The following FGF13 variants were observed in gnomAD, a reference collection of about 807,000 sequenced individuals.
FGF13 encodes the protein fibroblast growth factor homologous factor 2.
Under a neutral mutation model 19.5 loss-of-function variants are expected in FGF13, and 2 were observed. The ratio of observed to expected loss-of-function variants is 0.10; its 90% CI spans 0.04 to 0.32. The LOEUF is 0.32. Ranked by LOEUF, FGF13 falls within the 10% of genes least tolerant of loss-of-function variation. The pLI is 1.00. For missense variants in FGF13, 113 were observed against 192.7 expected (o/e 0.59, Z 2.45); for synonymous variants, 72 against 76.9 (o/e 0.94, Z 0.33).
chrX:138,996,841 C>T (rs1569438575), intron 1 of FGF13, among the ~76,000 whole-genome samples: 1 of 112,300 alleles, frequency 8.9e-6, no homozygotes, highest in Admixed American at 9.4e-5. Context: ...AACAGACAGA[C>T]TGCCTCCTCA....
chrX:138,885,707 C>G (rs1274170021), intron 1 of FGF13, among the ~76,000 whole-genome samples: 1 of 108,108 alleles, frequency 9.3e-6, no homozygotes, highest in African/African-American at 3.4e-5. Flanking sequence ...CTAACCCCCC[C>G]CGCCAATACT....
At chrX:139,152,176 G>A (rs1038649495) in intron 1 of FGF13, among the ~76,000 whole-genome samples, 4 of 110,083 alleles carry the variant, frequency 3.6e-5, no homozygotes, top group Non-Finnish European at 5.7e-5. Flanking sequence ...GGATCAGATC[G>A]ACAAGAGAAG....
At chrX:138,862,131 A>G (rs1252321124) in intron 2 of FGF13, among the ~76,000 whole-genome samples, 1 of 112,205 alleles carries the variant, frequency 8.9e-6, no homozygotes, top group African/African-American at 3.2e-5. Context: ...TTTTTCCCTT[A>G]TTCAAAGACA....
chrX:138,690,810 A>C (rs1160319423), intron 3 of FGF13, among the ~76,000 whole-genome samples: 1 of 111,493 alleles, frequency 9.0e-6, no homozygotes, highest in East Asian at 2.8e-4. Context: ...TGGGCTAAAA[A>C]TAGCATTGCC....
At position 138,925,152 on chromosome X, in the gene FGF13, T is replaced by A. The variant is rs911132898; in HGVS notation, c.-112-60502A>T. Among the ~76,000 whole-genome samples, 4 of 112,149 alleles carry A rather than the reference T, an allele frequency of 3.6e-5. No individual in the cohort carries two copies. The Admixed American group carries it at 3.8e-4, about 11-fold the overall frequency. ...TGCCAAGAAGTATGCTTCATATACATTGCTCCACTTAATTACACATCTATT... is the reference window on the plus strand; with the variant it reads ...TGCCAAGAAGTATGCTTCATATACAATGCTCCACTTAATTACACATCTATT... On this transcript the variant is annotated intron_variant, in intron 1 of 2. Transcript: ENST00000421460.
intron 1 of FGF13, among the ~76,000 whole-genome samples, chrX:138,904,031 T>C (rs374026410): frequency 1.8e-5 from 2 of 111,960 alleles, no homozygotes; most frequent in East Asian, 2.8e-4. Flanking sequence ...TCTAGCTATA[T>C]ATATATTTTA....
At chrX:138,658,919 C>T (rs1006112282) in intron 3 of FGF13, among the ~76,000 whole-genome samples, 2 of 111,736 alleles carry the variant, frequency 1.8e-5, no homozygotes, top group African/African-American at 6.5e-5. Context: ...CTGACAAATA[C>T]CTCAAATTGA....
intron 1 of FGF13, among the ~76,000 whole-genome samples, chrX:139,160,260 A>C (rs145773023): frequency 0.013 from 1,405 of 112,247 alleles, 19 homozygotes; most frequent in African/African-American, 0.043. Context: ...TAACGAAATG[A>C]AGGCAGAAAT....
At chrX:138,951,690 C>G (rs1245755892) in intron 1 of FGF13, among the ~76,000 whole-genome samples, 2 of 111,361 alleles carry the variant, frequency 1.8e-5, no homozygotes, top group Admixed American at 1.9e-4. Context: ...AATAATACAG[C>G]AACATACCCG....
intron 3 of FGF13, among the ~76,000 whole-genome samples, chrX:138,779,074 G>C (rs2090616083): frequency 8.9e-6 from 1 of 111,977 alleles, no homozygotes; most frequent in Non-Finnish European, 1.9e-5. Context: ...TCACACTGCA[G>C]GGTACTCCAA....
At chrX:138,781,679 CA>C in intron 3 of FGF13, among the ~76,000 whole-genome samples, 1 of 111,535 alleles carries the variant, frequency 9.0e-6, no homozygotes, top group African/African-American at 3.3e-5. Flanking sequence ...GCTTACCAAC[CA>C]AAAAGAGTCC....
chrX:138,923,036 T>C (rs972123793), intron 1 of FGF13, among the ~76,000 whole-genome samples: 2 of 112,660 alleles, frequency 1.8e-5, no homozygotes, highest in African/African-American at 6.5e-5. Flanking sequence ...CTATGAATGC[T>C]AGAGAATAAA....
chrX:139,096,904 A>G (rs900237933), intron 1 of FGF13, among the ~76,000 whole-genome samples: 5 of 112,021 alleles, frequency 4.5e-5, no homozygotes, highest in African/African-American at 1.6e-4. Flanking sequence ...CTAAATATTA[A>G]AGAAACAGAT....
chrX:139,011,387 GA>G lies in FGF13; in HGVS notation c.-112-146738del, dbSNP rs2092128072. Among the ~76,000 whole-genome samples, 6 of 101,486 alleles carry G rather than the reference GA, an allele frequency of 5.9e-5. No individual in the cohort carries two copies. In the East Asian group the frequency reaches 1.9e-3, roughly 32 times the overall value. 88.1% of individuals were successfully genotyped at this position (101,486 alleles called of 115,157 possible). ...AAAAAAAAAAAAAAAAAAAGAAGAA[GA>G]AGAAAACTACAGACCAATATCCCTG... On this transcript the variant is annotated intron_variant, in intron 1 of 2. Coordinates refer to the FGF13 transcript ENST00000421460.
At chrX:138,816,743 C>T (rs1202614333) in intron 3 of FGF13, among the ~76,000 whole-genome samples, 3 of 112,373 alleles carry the variant, frequency 2.7e-5, no homozygotes, top group African/African-American at 9.7e-5. Context: ...TTTCTTAAAA[C>T]ATTATGAGAC....
intron 1 of FGF13, among the ~76,000 whole-genome samples, chrX:139,060,679 TTAGAA>T (rs1461044874): frequency 8.9e-6 from 1 of 111,958 alleles, no homozygotes; most frequent in Non-Finnish European, 1.9e-5. Context: ...TTTTTATTCT[TTAGAA>T]TATGTGTTGG....
rs1279221808 is a variant in FGF13, at chrX:138,711,201, C to T, written c.-198G>A. ...CATGCCGTCCGAGCTCCTCCGGCGG[C>T]GGTCCGGCTCCCGCGCGGGCTGCTG... is the stretch of plus-strand genomic sequence containing the variant. On this transcript the variant is annotated 5_prime_UTR_variant, in exon 1 of 5. Coordinates refer to ENST00000315930, the MANE Select transcript of FGF13 (RefSeq NM_004114.5). 1.9e-6 allele frequency: 2 copies of T among 1,060,076 alleles called. No homozygotes were observed. The highest frequency in any genetic ancestry group is 1.9e-5 in the African/African-American group (1 of 52,708). 87.4% of individuals were successfully genotyped at this position (1,060,076 alleles called of 1,213,427 possible).
At chrX:139,199,186 T>C (rs946559695) in intron 1 of FGF13, among the ~76,000 whole-genome samples, 8 of 112,532 alleles carry the variant, frequency 7.1e-5, no homozygotes, top group African/African-American at 2.6e-4. Context: ...ATTTGTGTTC[T>C]GTACTAATTG....
chrX:139,059,458 T>C (rs2092329865), intron 1 of FGF13, among the ~76,000 whole-genome samples: 1 of 109,534 alleles, frequency 9.1e-6, no homozygotes, highest in Admixed American at 9.8e-5. Flanking sequence ...GAGAGAATAT[T>C]CTCTAAGTAA....
Sources: allele counts gnomAD v4.1 joint callset (sites outside exome capture counted in the v4.1 genomes callset), GRCh38; gene constraint gnomAD v4.1.1; transcripts MANE v1.5; gene names NCBI Gene and HGNC (gene_info 2026-07-23, HGNC 2026-07-21).